The following HHLA2 variants were observed in gnomAD, a reference collection of about 807,000 sequenced individuals.
HHLA2 encodes the protein HERV-H LTR-associating protein 2.
In HHLA2, 48 loss-of-function variants were observed where a neutral mutation model predicts 45.9. The ratio of observed to expected loss-of-function variants is 1.05; its 90% CI spans 0.83 to 1.33. The LOEUF is 1.33. Ranked by LOEUF, HHLA2 falls within the 40% of genes most tolerant of loss-of-function variation. The pLI is 0.00. For missense variants in HHLA2, 462 were observed against 494.3 expected (o/e 0.93, Z 0.62); for synonymous variants, 161 against 173.9 (o/e 0.93, Z 0.59).
intron 10 of HHLA2, 113 bp from the exon 10 acceptor site, chr3:108,377,145 C>G: frequency 1.4e-6 from 1 of 693,742 alleles, no homozygotes; most frequent in Non-Finnish European, 2.6e-6. Flanking sequence ...AAGCAATAGA[C>G]TAAAGCTTTT....
intron 6 of HHLA2, among the ~76,000 whole-genome samples, chr3:108,356,945 T>C (rs1473411518): frequency 6.6e-6 from 1 of 152,196 alleles, no homozygotes; most frequent in African/African-American, 2.4e-5. Context: ...AGAAGAAGAA[T>C]ATTCCAGGTA....
intron 3 of HHLA2, among the ~76,000 whole-genome samples, chr3:108,328,544 G>C (rs2081330176): frequency 6.6e-6 from 1 of 152,090 alleles, no homozygotes; most frequent in African/African-American, 2.4e-5. Flanking sequence ...TAGGTAACTT[G>C]GACAACAGTA....
At chr3:108,319,137 A>G (rs888592048) in intron 2 of HHLA2, among the ~76,000 whole-genome samples, 1 of 152,158 alleles carries the variant, frequency 6.6e-6, no homozygotes, top group Non-Finnish European at 1.5e-5. Flanking sequence ...TTGATGAGAT[A>G]GTTCAGAATA....
intron 3 of HHLA2, among the ~76,000 whole-genome samples, chr3:108,340,674 T>C (rs2081548836): frequency 6.6e-6 from 1 of 152,186 alleles, no homozygotes; most frequent in African/African-American, 2.4e-5. Flanking sequence ...GTTGAATTTA[T>C]AAAGTTAAGG....
chr3:108,326,102 C>A (rs2081284714), intron 2 of HHLA2: 1 of 262,830 alleles, frequency 3.8e-6, no homozygotes, highest in Non-Finnish European at 7.5e-6. Flanking sequence ...AGGTGATGGT[C>A]TTCGGTGTCT....
At chr3:108,352,811 C>T (rs929314062) in intron 4 of HHLA2, among the ~76,000 whole-genome samples, 3 of 152,152 alleles carry the variant, frequency 2.0e-5, no homozygotes, top group African/African-American at 4.8e-5. Flanking sequence ...ACATTTTGAC[C>T]AACTCAGGAT....
chr3:108,340,152 T>C (rs538691664), intron 3 of HHLA2, among the ~76,000 whole-genome samples: 2 of 152,058 alleles, frequency 1.3e-5, no homozygotes, highest in African/African-American at 2.4e-5. Context: ...TAGGGAAAGA[T>C]AGGAAGGGAG....
chr3:108,353,680 A>G (rs1553756481), exon 5 of HHLA2: 15 of 1,613,680 alleles, frequency 9.3e-6, no homozygotes, highest in South Asian at 1.1e-5. Flanking sequence ...ATGCGTCGCT[A>G]TTTTTCAGAA....
intron 8 of HHLA2, among the ~76,000 whole-genome samples, chr3:108,375,184 C>T (rs1485879468): frequency 2.6e-5 from 4 of 151,904 alleles, no homozygotes; most frequent in Non-Finnish European, 4.4e-5. Context: ...TTTGTAGGGA[C>T]ATGGATGAAA....
chr3:108,334,340 C>T (rs1442906691), intron 3 of HHLA2, among the ~76,000 whole-genome samples: 1 of 152,176 alleles, frequency 6.6e-6, no homozygotes, highest in South Asian at 2.1e-4. Flanking sequence ...TTTCATTGCC[C>T]AAGTGTCATC....
intron 8 of HHLA2, among the ~76,000 whole-genome samples, chr3:108,373,004 A>G (rs2082207509): frequency 6.6e-6 from 1 of 152,214 alleles, no homozygotes; most frequent in Non-Finnish European, 1.5e-5. Flanking sequence ...CCTGATAGCA[A>G]AGCCTGGCAG....
At chr3:108,362,282 T>G (rs568987585) in intron 7 of HHLA2, 60 bp from the exon 7 acceptor site, 8 of 1,277,122 alleles carry the variant, frequency 6.3e-6, no homozygotes, top group Non-Finnish European at 8.9e-6. Context: ...CACCCACACA[T>G]TTCTTATCTG....
chr3:108,355,079 G>A, intron 5 of HHLA2, 36 bp from the exon 5 acceptor site: 9 of 1,583,174 alleles, frequency 5.7e-6, no homozygotes, highest in African/African-American at 1.4e-5. Context: ...AGCTAATGAT[G>A]GCAGTTTTTC....
intron 3 of HHLA2, among the ~76,000 whole-genome samples, chr3:108,337,182 A>G (rs2081486902): frequency 2.0e-5 from 3 of 152,124 alleles, no homozygotes; most frequent in Admixed American, 6.6e-5. Context: ...TAGCATTAAC[A>G]TTTCTATGCC....
At chr3:108,309,660 C>A (rs2080985849) in intron 1 of HHLA2, among the ~76,000 whole-genome samples, 1 of 152,064 alleles carries the variant, frequency 6.6e-6, no homozygotes, top group South Asian at 2.1e-4. Flanking sequence ...TGGCAGAGTA[C>A]TACACAGGTG....
intron 2 of HHLA2, chr3:108,311,804 CA>C (rs2081022611): frequency 6.6e-6 from 1 of 152,140 alleles, no homozygotes; most frequent in Admixed American, 6.5e-5. Context: ...TACATCATAG[CA>C]GAGAAAATGG....
At chr3:108,331,139 G>C (rs112703855) in intron 3 of HHLA2, among the ~76,000 whole-genome samples, 4 of 152,266 alleles carry the variant, frequency 2.6e-5, no homozygotes, top group African/African-American at 9.6e-5. Context: ...TTGCCGTCTA[G>C]AACATTGTTC....
At chr3:108,377,367 A>G (rs945500455) in exon 11 of HHLA2, 65 of 986,394 alleles carry the variant, frequency 6.6e-5, no homozygotes, top group Non-Finnish European at 6.3e-6. Context: ...ATTCCAGGCA[A>G]TGGCCTGTCG....
At chr3:108,354,132 C>A (rs2081841782) in intron 5 of HHLA2, among the ~76,000 whole-genome samples, 1 of 152,046 alleles carries the variant, frequency 6.6e-6, no homozygotes. Context: ...CTTATCAGTA[C>A]CAAATAACTG....
Sources: gnomAD v4.1 joint callset for allele counts (sites outside exome capture counted in the v4.1 genomes callset) on GRCh38, gnomAD v4.1.1 for gene constraint, MANE v1.5 for transcripts, NCBI Gene and HGNC (gene_info 2026-07-23, HGNC 2026-07-21) for gene names.